Variants in EIF2A observed in about 807,000 individuals in gnomAD.
The protein encoded by EIF2A is 65 kDa eukaryotic translation initiation factor 2A.
EIF2A carries 62 observed loss-of-function variants against 75.2 expected under a neutral mutation model. That is an observed-to-expected ratio of 0.82 (90% CI 0.67 to 1.02). The LOEUF (loss-of-function observed/expected upper bound fraction) is 1.02, where lower values mean the gene tolerates loss of function less well. Among genes scored for constraint, EIF2A ranks in the 50% least tolerant of loss-of-function variants. The probability of loss-of-function intolerance (pLI) is 0.00; values close to 1 mark genes in which losing one functional copy is unlikely to be tolerated. For synonymous variants in EIF2A, 207 were observed against 239.0 expected (o/e 0.87, Z 1.23); for missense variants, 611 against 677.7 (o/e 0.90, Z 1.09).
chr3:150,552,852 T>C lies in EIF2A; in HGVS notation c.98+427T>C, dbSNP rs192449961. 2.8e-3 allele frequency: 423 copies of C among 152,722 alleles called. 2 individuals carry two copies. The highest frequency in any genetic ancestry group is 0.023 in the Admixed American group (358 of 15,306). The allele number at this position is 152,722 out of a possible 1,614,324, so 9.5% of individuals were successfully genotyped here. A position where few individuals can be genotyped will look rare whatever the true frequency, so the allele number is the denominator to read the frequency against. ...ATAGCTAGCTAGATTAATTTTTTTT[T>C]CCCCAAAGAAACAATGGACAAGTAA... On this transcript the variant is annotated intron_variant, in intron 2 of 13. Transcript: ENST00000460851.
chr3:150,549,222 CTT>C (rs11341363), intron 1 of EIF2A, among the ~76,000 whole-genome samples: 6,283 of 136,470 alleles, frequency 0.046, 170 homozygotes, highest in Non-Finnish European at 0.067. Context: ...TTCTTTCTTT[CTT>C]TTTTTTTTTT....
At chr3:150,552,753 C>A in intron 2 of EIF2A, 1 of 183,220 alleles carries the variant, frequency 5.5e-6, no homozygotes, top group Non-Finnish European at 1.1e-5. Flanking sequence ...ATAGCCAAAT[C>A]ATGGCCAGTA....
chr3:150,580,104 G>A (rs115308066), intron 11 of EIF2A, among the ~76,000 whole-genome samples: 1,636 of 152,226 alleles, frequency 0.011, 36 homozygotes, highest in African/African-American at 0.037. Context: ...GTAGAATATG[G>A]TGTTACCGTA....
chr3:150,557,528 G>GT (rs1485276383), intron 2 of EIF2A: 2 of 217,852 alleles, frequency 9.2e-6, no homozygotes, highest in Non-Finnish European at 1.9e-5. Flanking sequence ...AGCGTCCTGA[G>GT]TAGCTGGGAC....
chr3:150,561,916 G>A (rs891271975), intron 3 of EIF2A, among the ~76,000 whole-genome samples: 5 of 151,062 alleles, frequency 3.3e-5, no homozygotes, highest in South Asian at 4.2e-4. Flanking sequence ...CCACTGCCAC[G>A]CCCGGCTAAT....
At chr3:150,568,089 T>A (rs1488036195) in intron 8 of EIF2A, 43 bp downstream of exon 8, 1 of 1,599,524 alleles carries the variant, frequency 6.3e-7, no homozygotes, top group Non-Finnish European at 8.5e-7. Context: ...TTATCAGTTG[T>A]TAATTTAGGC....
intron 11 of EIF2A, among the ~76,000 whole-genome samples, chr3:150,580,450 A>G (rs1725119037): frequency 6.6e-6 from 1 of 152,174 alleles, no homozygotes; most frequent in Admixed American, 6.5e-5. Flanking sequence ...ATGGTGTTGT[A>G]TTCACCCTTT....
At chr3:150,575,565 C>A in intron 10 of EIF2A, 84 bp from the exon 11 acceptor site, 2 of 995,674 alleles carry the variant, frequency 2.0e-6, no homozygotes, top group East Asian at 2.8e-5. Context: ...TAAGTTTATC[C>A]TATATTAGCA....
intron 2 of EIF2A, among the ~76,000 whole-genome samples, chr3:150,555,740 A>C (rs1471432432): frequency 6.6e-6 from 1 of 151,936 alleles, no homozygotes; most frequent in Non-Finnish European, 1.5e-5. Flanking sequence ...AAAACAAAAA[A>C]CAAAAAAAAA....
At chr3:150,569,672 G>C (rs1478442508) in intron 9 of EIF2A, among the ~76,000 whole-genome samples, 1 of 152,034 alleles carries the variant, frequency 6.6e-6, no homozygotes, top group Admixed American at 6.6e-5. Flanking sequence ...AAAATTAGTT[G>C]GGTGTGGTGG....
chr3:150,574,984 T>C (rs7631671), intron 10 of EIF2A, among the ~76,000 whole-genome samples: 122,110 of 152,070 alleles, frequency 0.8, 49,489 homozygotes, highest in East Asian at 0.91. Flanking sequence ...ATACATTGAA[T>C]CTATAATTCA....
chr3:150,555,729 A>C (rs1483913366), intron 2 of EIF2A, among the ~76,000 whole-genome samples: 1 of 152,016 alleles, frequency 6.6e-6, no homozygotes, highest in African/African-American at 2.4e-5. Context: ...TATCTATTTA[A>C]AAAACAAAAA....
At position 150,554,219 on chromosome 3, in the gene EIF2A, AT is replaced by A. The variant is rs1214107970; in HGVS notation, c.98+1795del. 1.5e-4 allele frequency among the ~76,000 whole-genome samples: 22 copies of A among 151,428 alleles called. No homozygotes were observed. The East Asian group carries it at 4.3e-3, about 30-fold the overall frequency. ...AAGTATATAAATGCTCCCCCGAAAA[AT>A]CCCCCCTCCGTTTAAACCTAACTGG... is the stretch of plus-strand genomic sequence containing the variant. On this transcript the variant is annotated intron_variant, in intron 2 of 13. Coordinates refer to ENST00000460851, the MANE Select transcript of EIF2A (RefSeq NM_032025.5).
intron 11 of EIF2A, among the ~76,000 whole-genome samples, chr3:150,581,266 C>A (rs1228033990): frequency 1.3e-5 from 2 of 152,128 alleles, no homozygotes; most frequent in African/African-American, 2.4e-5. Context: ...CATACATATT[C>A]TTTATAGTTT....
At chr3:150,561,331 A>G (rs1723839927) in intron 3 of EIF2A, among the ~76,000 whole-genome samples, 1 of 152,186 alleles carries the variant, frequency 6.6e-6, no homozygotes, top group Admixed American at 6.5e-5. Context: ...TAATCCCAGC[A>G]CTTTGGAAGG....
At chr3:150,549,282 G>C (rs1345448288) in intron 1 of EIF2A, among the ~76,000 whole-genome samples, 2 of 149,532 alleles carry the variant, frequency 1.3e-5, no homozygotes, top group East Asian at 3.9e-4. Context: ...GCAATGGCGC[G>C]ATCTTGGCTC....
Position 150,567,714 on chromosome 3 carries a change from A to G in EIF2A, c.497A>G (p.His166Arg). Reference protein sequence around the residue: ...NNFNTIANKLHLQKINDFVLS... With the variant: ...NNFNTIANKLRLQKINDFVLS... ...TTAGACACAATTGCAAATAAATTGC[A>G]TTTGCAAAAAATTAATGATTTTGTA... is the stretch of plus-strand genomic sequence containing the variant. Residue 166 changes from histidine to arginine, a missense_variant, in exon 7 of 14, where the codon CAT (histidine) becomes CGT (arginine). By Grantham distance (29) the His-to-Arg change is conservative (BLOSUM62 0). Transcript: ENST00000460851. The G allele has an allele frequency of 2.6e-6, 4 of 1,548,676 alleles. No individual in the cohort carries two copies. Among genetic ancestry groups the G allele is most frequent in the Non-Finnish European group, 3.5e-6 (4 of 1,146,034 alleles).
rs570608695 is a variant in EIF2A, at chr3:150,549,465, G to A, written c.28+2635G>A. Among the ~76,000 whole-genome samples, 306 of 152,180 alleles carry A rather than the reference G, an allele frequency of 2.0e-3. 1 individual carries two copies. Among genetic ancestry groups the A allele is most frequent in the African/African-American group, 6.8e-3 (284 of 41,528 alleles). On this transcript the variant is annotated intron_variant, in intron 1 of 13. Coordinates refer to ENST00000460851, the MANE Select transcript of EIF2A (RefSeq NM_032025.5). ...ACGCCTGTCCTCGGGTGAGCCACACGCCTCTGCCTCCCAAAGTGCTGGGAT... is the reference window on the plus strand; with the variant it reads ...ACGCCTGTCCTCGGGTGAGCCACACACCTCTGCCTCCCAAAGTGCTGGGAT...
chr3:150,583,988 A>G lies in EIF2A; in HGVS notation c.*77A>G. 1 of 1,362,986 alleles carries G rather than the reference A, an allele frequency of 7.3e-7. No homozygotes were observed. 84.4% of individuals were successfully genotyped at this position (1,362,986 alleles called of 1,614,324 possible). On this transcript the variant is annotated 3_prime_UTR_variant, in exon 14 of 14. Transcript: ENST00000460851. ...TGTTAAACCCATTGGTATACACAGA[A>G]TATTCCTGTGCCCACACTTAATGTC...
Sources: gnomAD v4.1 joint callset for allele counts (sites outside exome capture counted in the v4.1 genomes callset) on GRCh38, gnomAD v4.1.1 for gene constraint, MANE v1.5 for transcripts, NCBI Gene and HGNC (gene_info 2026-07-23, HGNC 2026-07-21) for gene names.